CDH23: variants seen among roughly 807,000 people sequenced by gnomAD.
The protein encoded by CDH23 is cadherin related 23, also known as cadherin-23.
Under a neutral mutation model 317.1 loss-of-function variants are expected in CDH23, and 189 were observed. That is an observed-to-expected ratio of 0.60 (90% CI 0.53 to 0.67). The LOEUF (loss-of-function observed/expected upper bound fraction) is 0.67, where lower values mean the gene tolerates loss of function less well. CDH23 is among the 30% of genes least tolerant of loss of function. CDH23 has a pLI of 0.00. For synonymous variants in CDH23, 1,839 were observed against 1,876.8 expected (o/e 0.98, Z 0.52); for missense variants, 4,401 against 4,592.4 (o/e 0.96, Z 1.20).
intron 14 of CDH23, among the ~76,000 whole-genome samples, chr10:71,661,761 C>CCCCTCCCACCCTGCGCG (rs1863668374): frequency 1.4e-5 from 1 of 73,010 alleles, no homozygotes; most frequent in Non-Finnish European, 2.9e-5. Flanking sequence ...CCCTGCGCGC[C>CCCCTCCCACCCTGCGCG]CCCTCCCACC....
chr10:71,758,090 T>C (rs541160460), intron 38 of CDH23, among the ~76,000 whole-genome samples: 8 of 152,310 alleles, frequency 5.3e-5, no homozygotes, highest in African/African-American at 1.9e-4. Context: ...TCCCAGCACT[T>C]TGGGGAGCCA....
intron 19 of CDH23, 104 bp from the exon 20 acceptor site, chr10:71,690,358 CCCACGT>C (rs1395082336): frequency 4.2e-6 from 3 of 706,318 alleles, no homozygotes; most frequent in Non-Finnish European, 7.0e-6. Flanking sequence ...CTGGGAGGGT[CCCACGT>C]CCTCCTCTTG....
At chr10:71,580,386 G>A (rs1350928753) in intron 9 of CDH23, among the ~76,000 whole-genome samples, 1 of 152,206 alleles carries the variant, frequency 6.6e-6, no homozygotes, top group African/African-American at 2.4e-5. Flanking sequence ...GTGTGTGGAG[G>A]CGAGGGCAGG....
chr10:71,432,794 C>T (rs1261017227), intron 1 of CDH23, among the ~76,000 whole-genome samples: 1 of 152,148 alleles, frequency 6.6e-6, no homozygotes, highest in African/African-American at 2.4e-5. Flanking sequence ...GGAGAGGCAG[C>T]GCCTCCCGAG....
At chr10:71,683,206 G>A (rs758633745) in intron 18 of CDH23, among the ~76,000 whole-genome samples, 2 of 152,212 alleles carry the variant, frequency 1.3e-5, no homozygotes, top group Non-Finnish European at 1.5e-5. Flanking sequence ...GGGCCCCTCC[G>A]CATGGAGACC....
At chr10:71,626,132 T>A (rs946071110) in intron 11 of CDH23, among the ~76,000 whole-genome samples, 2 of 152,234 alleles carry the variant, frequency 1.3e-5, no homozygotes, top group Admixed American at 6.5e-5. Flanking sequence ...AATACTTTGG[T>A]AACTGTATTT....
At chr10:71,543,447 A>G (rs1294488822) in intron 6 of CDH23, among the ~76,000 whole-genome samples, 1 of 152,238 alleles carries the variant, frequency 6.6e-6, no homozygotes, top group Non-Finnish European at 1.5e-5. Flanking sequence ...GGTCTGGCCC[A>G]CAGCATGTTT....
intron 25 of CDH23, 24 bp downstream of exon 25, chr10:71,705,154 C>A: frequency 6.3e-7 from 1 of 1,592,838 alleles, no homozygotes; most frequent in Non-Finnish European, 8.6e-7. Context: ...GGGGCTTCTG[C>A]TGTGTGCTCA....
chr10:71,709,597 A>G (rs2132752530), intron 27 of CDH23, among the ~76,000 whole-genome samples: 1 of 152,198 alleles, frequency 6.6e-6, no homozygotes, highest in South Asian at 2.1e-4. Context: ...GTGAGTTAGG[A>G]CCCTTTCAGT....
chr10:71,612,152 G>T (rs781662438), intron 9 of CDH23, among the ~76,000 whole-genome samples: 1 of 152,164 alleles, frequency 6.6e-6, no homozygotes, highest in Non-Finnish European at 1.5e-5. Flanking sequence ...CTGGCTGTTG[G>T]TCTGGGGAGT....
chr10:71,543,721 C>T (rs1442859365), intron 6 of CDH23, among the ~76,000 whole-genome samples: 2 of 152,238 alleles, frequency 1.3e-5, no homozygotes, highest in Non-Finnish European at 2.9e-5. Context: ...CCTTCAGGCT[C>T]TATAGAGTTC....
intron 22 of CDH23, among the ~76,000 whole-genome samples, chr10:71,698,138 A>G (rs904632745): frequency 2.0e-4 from 31 of 152,326 alleles, no homozygotes; most frequent in African/African-American, 6.3e-4. Flanking sequence ...AATTTTCCAG[A>G]ATTTTCTGGA....
chr10:71,740,282 G>A (rs1038047752), intron 36 of CDH23, among the ~76,000 whole-genome samples: 1 of 152,242 alleles, frequency 6.6e-6, no homozygotes, highest in Admixed American at 6.5e-5. Flanking sequence ...TCAGGACTGC[G>A]CTTCTGCAGA....
intron 18 of CDH23, 136 bp from the exon 19 acceptor site, chr10:71,687,511 G>T: frequency 1.3e-6 from 1 of 740,738 alleles, no homozygotes; most frequent in Non-Finnish European, 2.4e-6. Flanking sequence ...ACCTCACCTG[G>T]CTCTGGTTAT....
chr10:71,700,119 G>A (rs1220290605), intron 22 of CDH23, among the ~76,000 whole-genome samples: 4 of 152,178 alleles, frequency 2.6e-5, no homozygotes, highest in African/African-American at 4.8e-5. Context: ...GGGTGCGGTC[G>A]CTCACACCTG....
At chr10:71,566,030 T>C (rs908770982) in intron 6 of CDH23, among the ~76,000 whole-genome samples, 3 of 152,164 alleles carry the variant, frequency 2.0e-5, no homozygotes, top group African/African-American at 4.8e-5. Flanking sequence ...AATAGCTCCA[T>C]GCCTCCAGGA....
At chr10:71,657,689 G>A (rs936634067) in intron 14 of CDH23, among the ~76,000 whole-genome samples, 1 of 151,984 alleles carries the variant, frequency 6.6e-6, no homozygotes, top group Non-Finnish European at 1.5e-5. Flanking sequence ...CTCTTCCAGC[G>A]CATTCCCCAG....
At chr10:71,672,538 C>T (rs539463154) in intron 14 of CDH23, among the ~76,000 whole-genome samples, 39 of 152,240 alleles carry the variant, frequency 2.6e-4, no homozygotes, top group African/African-American at 8.2e-4. Flanking sequence ...GGTCATTAGG[C>T]GGTGGCACTG....
In CDH23 at chr10:71,632,698, A is replaced by G. The variant is rs137915073; in HGVS notation, c.1135-11163A>G. Among the ~76,000 whole-genome samples the G allele has an allele frequency of 8.6e-3, 1,308 of 152,168 alleles. 19 individuals carry two copies. Among genetic ancestry groups the G allele is most frequent in the African/African-American group, 0.03 (1,243 of 41,500 alleles). ...CCCTGCTGTGCAGCGGCCAGGTTCC[A>G]TCTTTACCTCAGTATAGCTCCTCAC... On this transcript the variant is annotated intron_variant, in intron 11 of 69. Coordinates refer to ENST00000224721, the MANE Select transcript of CDH23 (RefSeq NM_022124.6).
Sources: gnomAD v4.1 joint callset for allele counts (sites outside exome capture counted in the v4.1 genomes callset) on GRCh38, gnomAD v4.1.1 for gene constraint, MANE v1.5 for transcripts, NCBI Gene and HGNC (gene_info 2026-07-23, HGNC 2026-07-21) for gene names.